Variants in ADD3 observed in about 807,000 individuals in gnomAD.
ADD3 encodes adducin 3, also known as gamma-adducin.
Under a neutral mutation model 80.2 loss-of-function variants are expected in ADD3, and 25 were observed. The observed-to-expected ratio is 0.31, with a 90% CI of 0.23 to 0.44. The LOEUF is 0.44. Among genes scored for constraint, ADD3 ranks in the 20% least tolerant of loss-of-function variants. The pLI, the probability that ADD3 is intolerant of heterozygous loss-of-function variation, is 1.00. For synonymous variants in ADD3, 284 were observed against 289.6 expected (o/e 0.98, Z 0.20); for missense variants, 829 against 847.5 (o/e 0.98, Z 0.27).
At position 110,118,619 on chromosome 10, in the gene ADD3, C is replaced by T. The variant is rs1177911459; in HGVS notation, c.600C>T (p.Asp200=). 6.2e-7 allele frequency: 1 copy of T among 1,613,820 alleles called. No individual in the cohort carries two copies. The highest frequency in any genetic ancestry group is 1.1e-5 in the South Asian group (1 of 91,074). Residue 200 remains aspartate (D), a synonymous_variant, in exon 6 of 15, where the codon GAC becomes GAT. Coordinates refer to ENST00000356080, the MANE Select transcript of ADD3 (RefSeq NM_016824.5). ...VKVNIIGEVV[D]QGSTNLKIDH... is the part of the protein sequence containing the mutation. ...TCAATATAATAGGAGAAGTGGTTGA[C>T]CAGGGAAGTACCAATTTGAAAATTG...
intron 1 of ADD3, among the ~76,000 whole-genome samples, chr10:110,047,956 A>G (rs962883326): frequency 2.6e-4 from 39 of 152,342 alleles, no homozygotes; most frequent in African/African-American, 9.4e-4. Context: ...TATGAAATGT[A>G]TCCTTTCTCA....
chr10:110,054,470 C>CT (rs1169594476), intron 1 of ADD3, among the ~76,000 whole-genome samples: 1 of 119,888 alleles, frequency 8.3e-6, no homozygotes, highest in African/African-American at 3.2e-5. Context: ...GAGATGGAGT[C>CT]TTGCCATGTT....
intron 1 of ADD3, among the ~76,000 whole-genome samples, chr10:110,038,941 G>T (rs1855977616): frequency 6.6e-6 from 1 of 152,156 alleles, no homozygotes; most frequent in African/African-American, 2.4e-5. Flanking sequence ...ATATGAAAAA[G>T]TTGATTGCAT....
At position 110,125,917 on chromosome 10, in the gene ADD3, C is replaced by T. The variant is rs376844168; in HGVS notation, c.1493C>T (p.Pro498Leu). Residue 498 changes from proline to leucine, a missense_variant, in exon 11 of 15, where the codon CCG becomes CTG. Physicochemically the swap from Pro to Leu is moderately conservative, Grantham distance 98. Coordinates refer to ENST00000356080, the MANE Select transcript of ADD3 (RefSeq NM_016824.5). ...PNQFVPLNTN[P>L]NEVLEKRNKI... ...CAGTTTGTTCCTTTAAACACAAACC[C>T]GAATGAGGTACTAGAAAAGAGAAAT... The T allele has an allele frequency of 3.4e-5, 54 of 1,606,360 alleles. No individual in the cohort carries two copies. Among genetic ancestry groups the T allele is most frequent in the South Asian group, 2.3e-4 (21 of 90,156 alleles).
Position 110,117,393 on chromosome 10 carries a change from T to C in ADD3, c.538T>C (p.Ser180Pro). ...CATTATAATAATTCCCAGAGGCCTA[T>C]CTTTTTCTGAAGCTACAGCCTCCAA... ...DHIIIIPRGLSFSEATASNLV... is the reference protein window; with the variant it reads ...DHIIIIPRGLPFSEATASNLV... Residue 180 changes from serine (S) to proline (P), a missense_variant, in exon 5 of 15, where the codon TCT (serine) becomes CCT (proline). Coordinates refer to ENST00000356080, the MANE Select transcript of ADD3 (RefSeq NM_016824.5). The C allele has an allele frequency of 6.2e-7, 1 of 1,607,642 alleles. No homozygotes were observed.
intron 1 of ADD3, among the ~76,000 whole-genome samples, chr10:110,097,708 T>C (rs1017798263): frequency 3.9e-5 from 6 of 152,146 alleles, no homozygotes; most frequent in Non-Finnish European, 8.8e-5. Context: ...CATTTAATTG[T>C]CACGTCTTAG....
Position 110,118,676 on chromosome 10 carries a change from C to T in ADD3, c.657C>T (p.Ile219=). The T allele has an allele frequency of 6.2e-7, 1 of 1,614,084 alleles. No homozygotes were observed. The highest frequency in any genetic ancestry group is 8.5e-7 in the Non-Finnish European group (1 of 1,179,928). ...DHTGFSPHAA[I]YSTRPDVKCV... Reference sequence around the variant, plus strand: ...CAGGATTCAGTCCCCATGCTGCAATCTATTCAACACGTCCTGATGTTAAGT... The same window carrying T: ...CAGGATTCAGTCCCCATGCTGCAATTTATTCAACACGTCCTGATGTTAAGT... Residue 219 remains isoleucine, a synonymous_variant, in exon 6 of 15, where the codon ATC becomes ATT. Coordinates refer to ENST00000356080, the MANE Select transcript of ADD3 (RefSeq NM_016824.5).
At chr10:110,132,026 G>A (rs1009588856) in intron 13 of ADD3, among the ~76,000 whole-genome samples, 1 of 152,196 alleles carries the variant, frequency 6.6e-6, no homozygotes, top group South Asian at 2.1e-4. Context: ...GCTAGCAAGA[G>A]CTACATGCAA....
chr10:110,089,722 T>G (rs1387168103), intron 1 of ADD3, among the ~76,000 whole-genome samples: 1 of 151,228 alleles, frequency 6.6e-6, no homozygotes, highest in Admixed American at 6.6e-5. Context: ...TGATATATGT[T>G]TATAATATAT....
Position 110,124,257 on chromosome 10 carries a change from C to A in ADD3, c.1384C>A (p.Pro462Thr). 1 of 1,613,926 alleles carries A rather than the reference C, an allele frequency of 6.2e-7. No homozygotes were observed. Among genetic ancestry groups the A allele is most frequent in the Non-Finnish European group, 8.5e-7 (1 of 1,179,810 alleles). Residue 462 changes from proline to threonine, a missense_variant, in exon 10 of 15, where the codon CCC becomes ACC. Pro to Thr is a conservative substitution (Grantham distance 38). Coordinates refer to ENST00000356080, the MANE Select transcript of ADD3 (RefSeq NM_016824.5). ...GGAGTCTCGGAACGGAGAAACCAGT[C>A]CCCGAACCAAAATCACGGTATGCCA... ...PEESRNGETSPRTKITWMKAE... is the reference protein window; with the variant it reads ...PEESRNGETSTRTKITWMKAE...
intron 1 of ADD3, among the ~76,000 whole-genome samples, chr10:110,042,874 T>G (rs1357663262): frequency 6.6e-6 from 1 of 152,208 alleles, no homozygotes; most frequent in Admixed American, 6.5e-5. Context: ...CCAAGATAAT[T>G]TAAATTAATT....
intron 1 of ADD3, among the ~76,000 whole-genome samples, chr10:110,043,305 T>C (rs1856574573): frequency 1.3e-5 from 2 of 152,212 alleles, no homozygotes; most frequent in Non-Finnish European, 2.9e-5. Context: ...ATTGACCTCC[T>C]CCCAGGTTTC....
At chr10:110,112,452 T>C (rs1850165255) in intron 2 of ADD3, 1 of 193,558 alleles carries the variant, frequency 5.2e-6, no homozygotes, top group Non-Finnish European at 1.1e-5. Flanking sequence ...AAGGAGTGGG[T>C]CACCTTTTTT....
intron 2 of ADD3, among the ~76,000 whole-genome samples, chr10:110,101,635 T>TA (rs201966150): frequency 0.014 from 1,441 of 102,670 alleles, 22 homozygotes; most frequent in African/African-American, 0.038. Flanking sequence ...AGACCTTACC[T>TA]AAAAAAAAAA....
At chr10:110,044,671 A>G (rs189065378) in intron 1 of ADD3, among the ~76,000 whole-genome samples, 2 of 152,358 alleles carry the variant, frequency 1.3e-5, no homozygotes, top group East Asian at 3.9e-4. Context: ...AAAATTGTAG[A>G]CTAAAGAAGT....
chr10:110,106,685 C>G (rs188523204), intron 2 of ADD3, among the ~76,000 whole-genome samples: 8 of 152,172 alleles, frequency 5.3e-5, no homozygotes, highest in Admixed American at 5.2e-4. Flanking sequence ...GGCACCCTGT[C>G]TCTAACTTAA....
intron 3 of ADD3, among the ~76,000 whole-genome samples, chr10:110,114,875 C>G (rs889518420): frequency 1.3e-5 from 2 of 151,938 alleles, no homozygotes; most frequent in Middle Eastern, 3.4e-3. Context: ...GCCAGGAGTT[C>G]AAGACCAGCC....
At chr10:110,130,761 C>G (rs11194999) in intron 13 of ADD3, among the ~76,000 whole-genome samples, 20,012 of 151,456 alleles carry the variant, frequency 0.13, 4,249 homozygotes, top group African/African-American at 0.45. Context: ...GTGGCTGAGG[C>G]AGGAGAATCG....
intron 1 of ADD3, among the ~76,000 whole-genome samples, chr10:110,085,235 A>T (rs1023657331): frequency 1.3e-5 from 2 of 152,252 alleles, no homozygotes; most frequent in Admixed American, 1.3e-4. Flanking sequence ...ACAAGCTTGC[A>T]TGGCAGTTAA....
Sources: gnomAD v4.1 joint callset for allele counts (sites outside exome capture counted in the v4.1 genomes callset) on GRCh38, gnomAD v4.1.1 for gene constraint, MANE v1.5 for transcripts, NCBI Gene and HGNC (gene_info 2026-07-23, HGNC 2026-07-21) for gene names.